SORL1: variants seen among roughly 807,000 people sequenced by gnomAD.
The protein encoded by SORL1 is sortilin-related receptor.
A neutral mutation model predicts 273.7 loss-of-function variants in SORL1; 127 were observed. The observed-to-expected ratio is 0.46, with a 90% CI of 0.40 to 0.54. The LOEUF (loss-of-function observed/expected upper bound fraction) is 0.54, where lower values mean the gene tolerates loss of function less well. SORL1 is among the 20% of genes least tolerant of loss of function. The pLI is 0.00. For missense variants in SORL1, 2,494 were observed against 2,846.1 expected (o/e 0.88, Z 2.81); for synonymous variants, 1,031 against 1,067.4 (o/e 0.97, Z 0.66).
intron 45 of SORL1, among the ~76,000 whole-genome samples, chr11:121,624,745 G>GT (rs1202631327): frequency 6.6e-6 from 1 of 152,138 alleles, no homozygotes; most frequent in Non-Finnish European, 1.5e-5. Context: ...CAGATTCTTG[G>GT]TGGCATTTAA....
At chr11:121,538,332 G>C (rs1862296359) in intron 12 of SORL1, among the ~76,000 whole-genome samples, 1 of 152,040 alleles carries the variant, frequency 6.6e-6, no homozygotes, top group South Asian at 2.1e-4. Flanking sequence ...TTTCCAGTCA[G>C]TGCTCTCCAC....
chr11:121,470,163 C>T, intron 2 of SORL1, 40 bp downstream of exon 2: 1 of 1,313,132 alleles, frequency 7.6e-7, no homozygotes. Flanking sequence ...TTGGTGCCAT[C>T]AACATGCCCT....
At chr11:121,547,731 C>G (rs1862455226) in intron 14 of SORL1, among the ~76,000 whole-genome samples, 1 of 152,016 alleles carries the variant, frequency 6.6e-6, no homozygotes, top group South Asian at 2.1e-4. Context: ...AATTGTTTCT[C>G]TGCTTGCTGT....
chr11:121,623,388 G>A (rs1318414150), intron 45 of SORL1, among the ~76,000 whole-genome samples: 1 of 152,204 alleles, frequency 6.6e-6, no homozygotes, highest in Non-Finnish European at 1.5e-5. Flanking sequence ...AACGTTGAAA[G>A]TGTTCACACC....
Position 121,522,660 on chromosome 11 carries a change from C to T in SORL1, c.1479C>T (p.Pro493=). The T allele has an allele frequency of 6.2e-7, 1 of 1,614,150 alleles. No homozygotes were observed. Among genetic ancestry groups the T allele is most frequent in the Non-Finnish European group, 8.5e-7 (1 of 1,179,980 alleles). ...TCAACCTCCAGCTCCGGAGAATGCC[C>T]ATCCTGTCCAAGGAGTCGGCTCCAG... ...QLLNLQLRRM[P]ILSKESAPGL... Residue 493 remains proline (P), a synonymous_variant, in exon 10 of 48, where the codon CCC becomes CCT. Coordinates refer to ENST00000260197, the MANE Select transcript of SORL1 (RefSeq NM_003105.6).
intron 18 of SORL1, among the ~76,000 whole-genome samples, chr11:121,555,733 T>TAGCAACAATATCATCATCATCATC (rs1862569798): frequency 2.6e-5 from 4 of 152,156 alleles, no homozygotes; most frequent in Non-Finnish European, 4.4e-5. Context: ...ATTAGAGTGA[T>TAGCAACAATATCATCATCATCATC]AGCAACAATA....
chr11:121,543,571 C>A lies in SORL1; in HGVS notation c.1709C>A (p.Thr570Asn). The change falls in exon 13 of 48, where the codon ACC (threonine) becomes AAC (asparagine). Residue 570 changes from threonine to asparagine, a missense_variant. Transcript: ENST00000260197. ...ELKYSTNEGE[T>N]WKTFIFSEKP... ...AGATACAGTACCAATGAAGGGGAGA[C>A]CTGGAAAACATTCATCTTCTCTGAG... is the stretch of plus-strand genomic sequence containing the variant. 4 of 1,613,968 alleles carry A rather than the reference C, an allele frequency of 2.5e-6. No individual in the cohort carries two copies. Among genetic ancestry groups the A allele is most frequent in the Non-Finnish European group, 3.4e-6 (4 of 1,179,848 alleles).
chr11:121,592,000 C>G (rs1216568099), intron 31 of SORL1, among the ~76,000 whole-genome samples: 1 of 152,138 alleles, frequency 6.6e-6, no homozygotes, highest in African/African-American at 2.4e-5. Context: ...TGAGTTTCCT[C>G]TTGTTCTCCT....
At chr11:121,611,267 A>C (rs1256974447) in intron 39 of SORL1, 109 bp downstream of exon 39, 1 of 755,734 alleles carries the variant, frequency 1.3e-6, no homozygotes, top group African/African-American at 1.8e-5. Flanking sequence ...AAAAACAAAA[A>C]AAACGAACGG....
intron 16 of SORL1, among the ~76,000 whole-genome samples, chr11:121,552,592 G>A (rs762628461): frequency 2.0e-5 from 3 of 152,164 alleles, no homozygotes; most frequent in Non-Finnish European, 4.4e-5. Context: ...CAGCGGGAAG[G>A]TTTCCTTGAC....
chr11:121,568,636 A>G (rs1862788144), intron 22 of SORL1, among the ~76,000 whole-genome samples: 1 of 152,218 alleles, frequency 6.6e-6, no homozygotes, highest in Non-Finnish European at 1.5e-5. Context: ...ATATATAACT[A>G]TGTATATAAA....
At chr11:121,500,130 G>T (rs1276867241) in intron 6 of SORL1, among the ~76,000 whole-genome samples, 2 of 152,144 alleles carry the variant, frequency 1.3e-5, no homozygotes. Flanking sequence ...AAATGATAGG[G>T]CCATTAAAGA....
chr11:121,466,803 A>G (rs368464679), intron 1 of SORL1, among the ~76,000 whole-genome samples: 9 of 152,196 alleles, frequency 5.9e-5, no homozygotes, highest in African/African-American at 2.2e-4. Context: ...ACATCTCGCC[A>G]AGCAAAGGAG....
intron 20 of SORL1, 22 bp from the exon 21 acceptor site, chr11:121,559,497 T>C (rs1862640740): frequency 1.2e-6 from 2 of 1,608,750 alleles, no homozygotes; most frequent in Admixed American, 1.7e-5. Context: ...GCTGGACTAA[T>C]GGGCAAAGGT....
chr11:121,556,675 T>C (rs906637198), intron 18 of SORL1, among the ~76,000 whole-genome samples: 1 of 152,298 alleles, frequency 6.6e-6, no homozygotes, highest in African/African-American at 2.4e-5. Flanking sequence ...CTGATGCTTA[T>C]TGGTCCAGGT....
At chr11:121,555,425 A>C (rs1862564034) in intron 18 of SORL1, 107 bp downstream of exon 18, 1 of 1,402,622 alleles carries the variant, frequency 7.1e-7, no homozygotes, top group Non-Finnish European at 9.8e-7. Flanking sequence ...ATTACTCAGG[A>C]AATTTACTGC....
Position 121,591,069 on chromosome 11 carries a change from A to G in SORL1, c.4282A>G (p.Ser1428Gly), listed in dbSNP as rs757665166. ...TCLPNYYRCS[S>G]GTCVMDTWVC... ...TCTGCCCAATTACTACCGCTGCAGC[A>G]GTGGGACCTGCGTGATGGACACCTG... The change falls in exon 31 of 48, where the codon AGT becomes GGT. Residue 1428 changes from serine (S) to glycine (G), a missense_variant. Physicochemically the swap from Ser to Gly is moderately conservative, Grantham distance 56. Around this residue, in one of 3 missense-constraint regions of SORL1, gnomAD observed 1,609 missense variants for 1,816.4 expected, o/e 0.89. Transcript: ENST00000260197. 27 of 1,614,044 alleles carry G rather than the reference A, an allele frequency of 1.7e-5. No homozygotes were observed. The highest frequency in any genetic ancestry group is 2.1e-5 in the Non-Finnish European group (25 of 1,180,020).
chr11:121,596,153 G>T lies in SORL1; in HGVS notation c.4519+381G>T, dbSNP rs1942462514. Among the ~76,000 whole-genome samples, 1 of 152,178 alleles carries T rather than the reference G, an allele frequency of 6.6e-6. No homozygotes were observed. The highest frequency in any genetic ancestry group is 1.5e-5 in the Non-Finnish European group (1 of 68,034). On this transcript the variant is annotated intron_variant, in intron 32 of 47. Transcript: ENST00000260197. The surrounding 1 kb of genome is among the most constrained non-coding windows in gnomAD (Gnocchi z 4.3). Reference sequence around the variant, plus strand: ...GAAGTATTTAGTGAGCACTTACTGGGCGTAGAAGCTGTGTTATTAGAGGGT... The same window carrying T: ...GAAGTATTTAGTGAGCACTTACTGGTCGTAGAAGCTGTGTTATTAGAGGGT...
chr11:121,498,862 C>A (rs1488674903), intron 6 of SORL1, among the ~76,000 whole-genome samples: 2 of 137,330 alleles, frequency 1.5e-5, no homozygotes, highest in East Asian at 2.1e-4. Flanking sequence ...AGCAACAGAG[C>A]AAGACTCTGT....
Sources: allele counts gnomAD v4.1 joint callset (sites outside exome capture counted in the v4.1 genomes callset), GRCh38; gene constraint gnomAD v4.1.1; regional missense constraint gnomAD v4.1.1; non-coding constraint Gnocchi (gnomAD v3.1); transcripts MANE v1.5; gene names NCBI Gene and HGNC (gene_info 2026-07-23, HGNC 2026-07-21).